The following KCNQ5 variants were observed in gnomAD, a reference collection of about 807,000 sequenced individuals.
KCNQ5 encodes potassium voltage-gated channel subfamily KQT member 5.
A neutral mutation model predicts 98.2 loss-of-function variants in KCNQ5; 30 were observed. That is an observed-to-expected ratio of 0.31 (90% CI 0.23 to 0.41). The LOEUF (loss-of-function observed/expected upper bound fraction) is 0.41, where lower values mean the gene tolerates loss of function less well. KCNQ5 is among the 10% of genes least tolerant of loss of function. The pLI is 1.00. For missense variants in KCNQ5, 835 were observed against 1,182.5 expected, an observed-to-expected ratio of 0.71 and a Z score of 4.31; for synonymous variants, 458 against 449.4, an observed-to-expected ratio of 1.02 and a Z score of -0.24.
intron 1 of KCNQ5, chr6:72,987,863 C>G (rs1241312952): frequency 2.9e-6 from 1 of 343,212 alleles, no homozygotes; most frequent in East Asian, 7.0e-5. Flanking sequence ...TGACCTTGAG[C>G]AGTAGGATAT....
chr6:72,783,087 G>A (rs1441940013), intron 1 of KCNQ5, among the ~76,000 whole-genome samples: 1 of 152,140 alleles, frequency 6.6e-6, no homozygotes, highest in Non-Finnish European at 1.5e-5. Context: ...AGTCTTCAGA[G>A]ACAAAGGAAA....
At chr6:73,072,536 C>A (rs972743071) in intron 3 of KCNQ5, among the ~76,000 whole-genome samples, 2 of 152,160 alleles carry the variant, frequency 1.3e-5, no homozygotes, top group African/African-American at 4.8e-5. Context: ...GTGACTAACA[C>A]CTTTTAGACA....
intron 1 of KCNQ5, among the ~76,000 whole-genome samples, chr6:72,859,954 C>A (rs969611866): frequency 6.7e-6 from 1 of 148,374 alleles, no homozygotes; most frequent in Non-Finnish European, 1.5e-5. Flanking sequence ...TTATGTAATC[C>A]TATTCACCAA....
Position 73,195,473 on chromosome 6 carries a change from C to G in KCNQ5, c.*59C>G. 3 of 1,546,384 alleles carry G rather than the reference C, an allele frequency of 1.9e-6. No individual in the cohort carries two copies. Among genetic ancestry groups the G allele is most frequent in the African/African-American group, 1.4e-5 (1 of 72,874 alleles). On this transcript the variant is annotated 3_prime_UTR_variant, in exon 14 of 14. Coordinates refer to ENST00000370398, the MANE Select transcript of KCNQ5 (RefSeq NM_019842.4). ...TTAGCCATACATATCATTGCATGAACTATTTCGAAAGCCCTTCTAAAAAGT... is the reference window on the plus strand; with the variant it reads ...TTAGCCATACATATCATTGCATGAAGTATTTCGAAAGCCCTTCTAAAAAGT...
chr6:73,062,140 T>C (rs1411615903), intron 3 of KCNQ5, among the ~76,000 whole-genome samples: 1 of 152,148 alleles, frequency 6.6e-6, no homozygotes, highest in Non-Finnish European at 1.5e-5. Context: ...CTAAAGGATG[T>C]GGTTTAATTA....
At chr6:73,079,536 T>A (rs558648016) in intron 5 of KCNQ5, among the ~76,000 whole-genome samples, 1 of 152,314 alleles carries the variant, frequency 6.6e-6, no homozygotes, top group Non-Finnish European at 1.5e-5. Flanking sequence ...ACTTGTTGTA[T>A]TTGTTGATTG....
chr6:72,812,703 C>T (rs575240179), intron 1 of KCNQ5, among the ~76,000 whole-genome samples: 1 of 152,260 alleles, frequency 6.6e-6, no homozygotes, highest in East Asian at 1.9e-4. Flanking sequence ...AGACTGGCTC[C>T]AAAGGCTAGC....
At chr6:73,111,470 A>C (rs1935537) in intron 7 of KCNQ5, 67 bp downstream of exon 7, 75 of 1,011,442 alleles carry the variant, frequency 7.4e-5, no homozygotes, top group Non-Finnish European at 1.8e-5. Flanking sequence ...TCATTTTCCA[A>C]TCTCTGTGCT....
chr6:73,039,045 C>A (rs891794018), intron 2 of KCNQ5, among the ~76,000 whole-genome samples: 1 of 152,038 alleles, frequency 6.6e-6, no homozygotes, highest in Non-Finnish European at 1.5e-5. Context: ...CCTAGATTGT[C>A]TATTTCTTCT....
chr6:72,914,503 T>C (rs1780055987), intron 1 of KCNQ5, among the ~76,000 whole-genome samples: 2 of 148,964 alleles, frequency 1.3e-5, no homozygotes, highest in Non-Finnish European at 3.0e-5. Flanking sequence ...ACCTCTTCAG[T>C]GCCAATAAGG....
chr6:72,744,500 C>G (rs1771280190), intron 1 of KCNQ5, among the ~76,000 whole-genome samples: 1 of 152,014 alleles, frequency 6.6e-6, no homozygotes. Context: ...GACAGCTATA[C>G]AAAAGTGAAA....
At chr6:72,996,875 C>T (rs887831767) in intron 1 of KCNQ5, among the ~76,000 whole-genome samples, 1 of 152,128 alleles carries the variant, frequency 6.6e-6, no homozygotes, top group African/African-American at 2.4e-5. Flanking sequence ...AAGTAGGCAG[C>T]AAACTGGGCT....
intron 1 of KCNQ5, among the ~76,000 whole-genome samples, chr6:72,911,497 C>T (rs1450539975): frequency 6.6e-6 from 1 of 152,038 alleles, no homozygotes; most frequent in Non-Finnish European, 1.5e-5. Context: ...ATTTGCAAGC[C>T]ACCAGTTTAT....
intron 2 of KCNQ5, among the ~76,000 whole-genome samples, chr6:73,015,449 T>G (rs1307393669): frequency 2.6e-5 from 4 of 152,116 alleles, no homozygotes; most frequent in African/African-American, 9.7e-5. Context: ...GGAAAGAATT[T>G]TTGAAGCTAA....
At chr6:72,691,559 A>C (rs945805694) in intron 1 of KCNQ5, among the ~76,000 whole-genome samples, 2 of 152,242 alleles carry the variant, frequency 1.3e-5, no homozygotes, top group African/African-American at 4.8e-5. Flanking sequence ...GAGCTAAATA[A>C]AGAGCTAAAT....
chr6:72,918,962 C>T (rs895269355), intron 1 of KCNQ5, among the ~76,000 whole-genome samples: 4 of 152,168 alleles, frequency 2.6e-5, no homozygotes, highest in Admixed American at 6.5e-5. Context: ...TGTCTTCTCT[C>T]GTCTTCTTTT....
rs10498889 is a variant in KCNQ5, at chr6:73,072,653, A to T, written c.617-4669A>T. Among the ~76,000 whole-genome samples the T allele has an allele frequency of 0.025, 3,787 of 152,274 alleles. 214 individuals carry two copies. In the East Asian group the frequency reaches 0.26, roughly 11 times the overall value. On this transcript the variant is annotated intron_variant, in intron 3 of 13. Transcript: ENST00000370398. The stretch of plus-strand genomic sequence containing the variant: ...TCTTTCACAGTCCTTATGTGTCTTA[A>T]ATATCATTATGGTATTTATTTTGTT...
intron 1 of KCNQ5, among the ~76,000 whole-genome samples, chr6:72,840,717 T>C (rs970793747): frequency 1.3e-5 from 2 of 152,208 alleles, no homozygotes; most frequent in African/African-American, 4.8e-5. Context: ...CTATACTGAT[T>C]TTATAGAGAA....
Position 72,947,736 on chromosome 6 carries a change from T to C in KCNQ5, c.399-56172T>C, listed in dbSNP as rs549780749. ...CTCTCAGTCCATCAGTCAACATGTC[T>C]ATCAAGAATGGCCATGTTTATTCTG... On this transcript the variant is annotated intron_variant, in intron 1 of 13. Transcript: ENST00000370398. Among the ~76,000 whole-genome samples, 5 of 152,284 alleles carry C rather than the reference T, an allele frequency of 3.3e-5. No individual in the cohort carries two copies. In the South Asian group the frequency reaches 1.0e-3, roughly 32 times the overall value.
Sources: gnomAD v4.1 joint callset for allele counts (sites outside exome capture counted in the v4.1 genomes callset) on GRCh38, gnomAD v4.1.1 for gene constraint, MANE v1.5 for transcripts, NCBI Gene and HGNC (gene_info 2026-07-23, HGNC 2026-07-21) for gene names.